The following DAB2IP variants were observed in gnomAD, a reference collection of about 807,000 sequenced individuals.
DAB2IP encodes DAB2 interacting protein.
A neutral mutation model predicts 107.2 loss-of-function variants in DAB2IP; 28 were observed. The ratio of observed to expected loss-of-function variants is 0.26; its 90% CI spans 0.19 to 0.36. The LOEUF is 0.36. Among genes scored for constraint, DAB2IP ranks in the 10% least tolerant of loss-of-function variants. The pLI, the probability that DAB2IP is intolerant of heterozygous loss-of-function variation, is 1.00. For synonymous variants in DAB2IP, 755 were observed against 706.4 expected, an observed-to-expected ratio of 1.07 and a Z score of -1.09; for missense variants, 1,400 against 1,644.7, an observed-to-expected ratio of 0.85 and a Z score of 2.57.
chr9:121,717,522 T>TC (rs1830674782), intron 3 of DAB2IP, among the ~76,000 whole-genome samples: 1 of 152,216 alleles, frequency 6.6e-6, no homozygotes. Flanking sequence ...CACTTGTTTA[T>TC]CACACGGTGT....
intron 10 of DAB2IP, 115 bp downstream of exon 10, chr9:121,768,748 C>A: frequency 7.6e-7 from 1 of 1,312,614 alleles, no homozygotes; most frequent in Non-Finnish European, 1.1e-6. Context: ...CATGATCAGG[C>A]CAGGTCCTGT....
rs1588027600 is a variant in DAB2IP, at chr9:121,782,868, G to T, written c.*370G>T. On this transcript the variant is annotated 3_prime_UTR_variant, in exon 16 of 16. Transcript: ENST00000408936. The surrounding 1 kb of genome is among the most constrained non-coding windows in gnomAD (Gnocchi z 6.1). ...GTCCCCCCACACCTGTGCCAGGGAGGGGGCTTCCTGGAGGGGGGATTCAAG... is the reference window on the plus strand; with the variant it reads ...GTCCCCCCACACCTGTGCCAGGGAGTGGGCTTCCTGGAGGGGGGATTCAAG... 9.5e-7 allele frequency: 1 copy of T among 1,050,326 alleles called. No homozygotes were observed. Among genetic ancestry groups the T allele is most frequent in the East Asian group, 8.1e-5 (1 of 12,286 alleles). 65.1% of individuals were successfully genotyped at this position (1,050,326 alleles called of 1,614,324 possible). A position where few individuals can be genotyped will look rare whatever the true frequency, so the allele number is the denominator to read the frequency against.
intron 3 of DAB2IP, among the ~76,000 whole-genome samples, chr9:121,754,448 C>A (rs1833338139): frequency 1.3e-5 from 2 of 152,116 alleles, no homozygotes; most frequent in Non-Finnish European, 2.9e-5. Context: ...CCTGCCCTGC[C>A]CCTATTCCTC....
chr9:121,766,835 G>T, intron 9 of DAB2IP, 105 bp downstream of exon 9: 1 of 1,184,542 alleles, frequency 8.4e-7, no homozygotes, highest in Non-Finnish European at 1.2e-6. Context: ...CCATAAACAG[G>T]CCCTGGTTTT....
chr9:121,602,404 A>G (rs1251920430), intron 1 of DAB2IP, among the ~76,000 whole-genome samples: 11 of 151,882 alleles, frequency 7.2e-5, no homozygotes, highest in Admixed American at 7.2e-4. Context: ...TCAGGTTATT[A>G]TATTTTGGAG....
At position 121,776,110 on chromosome 9, in the gene DAB2IP, C is replaced by T. The variant is rs1271158159; in HGVS notation, c.3121-88C>T. On this transcript the variant is annotated intron_variant, in intron 13 of 15. Transcript: ENST00000408936. This position sits in a 1 kb window ranked among gnomAD's most constrained non-coding sequence, Gnocchi z 5.4. Reference sequence around the variant, plus strand: ...CCACTGGGGCCTTTCAAGTGGGGCTCCCTCCTACCCTTCCTCCCACTCGGG... The same window carrying T: ...CCACTGGGGCCTTTCAAGTGGGGCTTCCTCCTACCCTTCCTCCCACTCGGG... 6.9e-7 allele frequency: 1 copy of T among 1,459,742 alleles called. No individual in the cohort carries two copies. The highest frequency in any genetic ancestry group is 9.2e-7 in the Non-Finnish European group (1 of 1,085,160). The allele number at this position is 1,459,742 out of a possible 1,614,324, so 90.4% of individuals were successfully genotyped here.
chr9:121,777,006 C>G (rs1326279025), intron 14 of DAB2IP, among the ~76,000 whole-genome samples: 1 of 152,102 alleles, frequency 6.6e-6, no homozygotes, highest in Admixed American at 6.5e-5. Context: ...AATGCTGACT[C>G]TCATCTTTTT....
At chr9:121,770,804 A>G in intron 11 of DAB2IP, 80 bp downstream of exon 11, 1 of 1,538,176 alleles carries the variant, frequency 6.5e-7, no homozygotes, top group Non-Finnish European at 8.8e-7. Flanking sequence ...CAGATGGGGA[A>G]AGAGGATGCC....
At chr9:121,712,105 T>C (rs888293073) in intron 3 of DAB2IP, among the ~76,000 whole-genome samples, 1 of 152,182 alleles carries the variant, frequency 6.6e-6, no homozygotes, top group Non-Finnish European at 1.5e-5. Context: ...AGCCGATGGT[T>C]CCTGGACTCC....
At chr9:121,739,901 AG>A (rs1238574536) in intron 3 of DAB2IP, among the ~76,000 whole-genome samples, 1 of 152,162 alleles carries the variant, frequency 6.6e-6, no homozygotes, top group Non-Finnish European at 1.5e-5. Context: ...CTGGGAGGAA[AG>A]GAGGTGAGGT....
chr9:121,577,195 C>G (rs1315447460), intron 1 of DAB2IP, among the ~76,000 whole-genome samples: 1 of 152,234 alleles, frequency 6.6e-6, no homozygotes, highest in Admixed American at 6.5e-5. Flanking sequence ...TGCCCCTTCC[C>G]CTGGACACAG....
intron 2 of DAB2IP, among the ~76,000 whole-genome samples, chr9:121,690,563 C>T (rs1470886133): frequency 6.6e-6 from 1 of 152,160 alleles, no homozygotes; most frequent in African/African-American, 2.4e-5. Context: ...GAGTCACTCC[C>T]TGGCTGCTCT....
chr9:121,567,268 G>T, intron 1 of DAB2IP: 1 of 1,613,674 alleles, frequency 6.2e-7, no homozygotes. Context: ...GGGGGTTTCA[G>T]CCTCTCTGCT....
intron 1 of DAB2IP, among the ~76,000 whole-genome samples, chr9:121,668,439 G>A (rs898758769): frequency 2.6e-5 from 4 of 152,022 alleles, no homozygotes; most frequent in Non-Finnish European, 1.5e-5. Context: ...TGGTCTCGCT[G>A]TGTTACCCAG....
chr9:121,687,627 G>A (rs1215299914), intron 2 of DAB2IP, among the ~76,000 whole-genome samples: 4 of 152,184 alleles, frequency 2.6e-5, no homozygotes, highest in Non-Finnish European at 4.4e-5. Context: ...TACGATGGGG[G>A]ATTTTGAATC....
At chr9:121,714,150 A>G (rs980446534) in intron 3 of DAB2IP, among the ~76,000 whole-genome samples, 19 of 152,190 alleles carry the variant, frequency 1.2e-4, no homozygotes, top group African/African-American at 4.3e-4. Context: ...ACAACCTGCC[A>G]GCACATCCAA....
intron 14 of DAB2IP, among the ~76,000 whole-genome samples, chr9:121,778,276 C>T (rs1835345969): frequency 6.6e-6 from 1 of 152,154 alleles, no homozygotes; most frequent in South Asian, 2.1e-4. Flanking sequence ...CCTCTCAAAA[C>T]CCCTACCTAT....
chr9:121,570,306 T>C (rs893664856), intron 1 of DAB2IP, among the ~76,000 whole-genome samples: 4 of 147,294 alleles, frequency 2.7e-5, no homozygotes, highest in African/African-American at 7.6e-5. Context: ...TAGAGACAGG[T>C]TTTCGCCATG....
intron 1 of DAB2IP, among the ~76,000 whole-genome samples, chr9:121,629,449 A>G (rs1056180877): frequency 1.3e-5 from 2 of 152,106 alleles, no homozygotes; most frequent in Non-Finnish European, 2.9e-5. Context: ...TGGGTAATTA[A>G]TGGTGCTCTC....
Sources: allele counts gnomAD v4.1 joint callset (sites outside exome capture counted in the v4.1 genomes callset), GRCh38; gene constraint gnomAD v4.1.1; non-coding constraint Gnocchi (gnomAD v3.1); transcripts MANE v1.5; gene names NCBI Gene and HGNC (gene_info 2026-07-23, HGNC 2026-07-21).